EEF2K: variants seen among roughly 807,000 people sequenced by gnomAD.
The protein encoded by EEF2K is alternative protein EEF2K.
Under a neutral mutation model 93.8 loss-of-function variants are expected in EEF2K, and 70 were observed. That is an observed-to-expected ratio of 0.75 (90% CI 0.62 to 0.91). The LOEUF (loss-of-function observed/expected upper bound fraction) is 0.91, where lower values mean the gene tolerates loss of function less well. EEF2K is among the 40% of genes least tolerant of loss of function. The pLI is 0.00. For missense variants in EEF2K, 935 were observed against 972.9 expected (o/e 0.96, Z 0.52); for synonymous variants, 376 against 380.8 (o/e 0.99, Z 0.15).
intron 1 of EEF2K, among the ~76,000 whole-genome samples, chr16:22,222,460 C>T (rs895721405): frequency 5.3e-5 from 8 of 151,962 alleles, no homozygotes; most frequent in South Asian, 2.1e-4. Context: ...CCTCCCACCT[C>T]GGCCTCCCAA....
At chr16:22,260,576 G>T (rs560851798) in intron 11 of EEF2K, 47 bp downstream of exon 11, 3 of 1,611,648 alleles carry the variant, frequency 1.9e-6, no homozygotes, top group East Asian at 4.5e-5. Context: ...CCCAGCAGGG[G>T]TAGGAGTGGA....
At chr16:22,264,659 T>C (rs1484695765) in intron 12 of EEF2K, among the ~76,000 whole-genome samples, 159 bp from the exon 13 acceptor site, 1 of 151,798 alleles carries the variant, frequency 6.6e-6, no homozygotes, top group African/African-American at 2.4e-5. Context: ...CAGAGAAGGG[T>C]TCCAGTGTCA....
At chr16:22,226,322 GTTCT>G (rs2047062734) in intron 2 of EEF2K, among the ~76,000 whole-genome samples, 1 of 93,618 alleles carries the variant, frequency 1.1e-5, no homozygotes, top group African/African-American at 4.7e-5. Context: ...CAGAGGTGCT[GTTCT>G]TTTTTTTTTT....
chr16:22,241,190 T>A lies in EEF2K; in HGVS notation c.247-3440T>A, dbSNP rs117591390. ...TGGATTAGGGAGGACTTCCGCTTTCTAATTCAGAGTTCTATAGTGCTTGCA... is the reference window on the plus strand; with the variant it reads ...TGGATTAGGGAGGACTTCCGCTTTCAAATTCAGAGTTCTATAGTGCTTGCA... On this transcript the variant is annotated intron_variant, in intron 2 of 17. Coordinates refer to ENST00000263026, the MANE Select transcript of EEF2K (RefSeq NM_013302.5). 5.7e-3 allele frequency among the ~76,000 whole-genome samples: 867 copies of A among 152,294 alleles called. 4 individuals are homozygous for A. Among genetic ancestry groups the A allele is most frequent in the Non-Finnish European group, 9.7e-3 (662 of 68,028 alleles).
At chr16:22,255,212 C>G (rs954225264) in intron 6 of EEF2K, among the ~76,000 whole-genome samples, 3 of 152,174 alleles carry the variant, frequency 2.0e-5, no homozygotes, top group African/African-American at 7.2e-5. Context: ...CCCAAATTCA[C>G]AGTTTTACTG....
chr16:22,264,997 A>G (rs2047503557), intron 13 of EEF2K, 117 bp downstream of exon 13: 1 of 1,273,972 alleles, frequency 7.8e-7, no homozygotes, highest in African/African-American at 1.5e-5. Context: ...ACATGTGCTA[A>G]AGGAAGATTT....
intron 8 of EEF2K, 74 bp downstream of exon 8, chr16:22,257,459 C>T (rs1392854556): frequency 8.8e-6 from 14 of 1,581,956 alleles, no homozygotes; most frequent in African/African-American, 1.4e-5. Context: ...TTCGTACAGC[C>T]AAGGAAACAG....
chr16:22,262,611 C>T (rs1157450836), intron 11 of EEF2K, among the ~76,000 whole-genome samples: 1 of 152,158 alleles, frequency 6.6e-6, no homozygotes, highest in African/African-American at 2.4e-5. Context: ...CCTTAACCAG[C>T]CTTTGTTTTT....
At chr16:22,214,221 C>T (rs961216628) in intron 1 of EEF2K, among the ~76,000 whole-genome samples, 4 of 152,128 alleles carry the variant, frequency 2.6e-5, no homozygotes, top group Admixed American at 1.3e-4. Flanking sequence ...TGTTAGCTGA[C>T]CCCTGTTTAC....
At chr16:22,242,136 C>G (rs960087867) in intron 2 of EEF2K, among the ~76,000 whole-genome samples, 3 of 151,998 alleles carry the variant, frequency 2.0e-5, no homozygotes, top group African/African-American at 7.2e-5. Context: ...AGAGAGAGAC[C>G]TTATTCCTAT....
At chr16:22,255,637 T>G (rs1220696287) in intron 6 of EEF2K, among the ~76,000 whole-genome samples, 1 of 152,168 alleles carries the variant, frequency 6.6e-6, no homozygotes, top group Non-Finnish European at 1.5e-5. Context: ...CTGCAGCTTG[T>G]CATCCTAATG....
rs778514679 is a variant in EEF2K at position 22,266,443 on chromosome 16, G to A, written c.1494G>A (p.Arg498=). Reference sequence around the variant, plus strand: ...ACTCCTCCCGCCTCCACCTGCCGAGGGCTTCGGCCGTGGCCCTGGAAGTGC... The same window carrying A: ...ACTCCTCCCGCCTCCACCTGCCGAGAGCTTCGGCCGTGGCCCTGGAAGTGC... The part of the protein sequence containing the change: ...LLNSSRLHLP[R]ASAVALEVQR... Residue 498 remains arginine, a synonymous_variant, in exon 14 of 18, where the codon AGG becomes AGA. Coordinates refer to ENST00000263026, the MANE Select transcript of EEF2K (RefSeq NM_013302.5). 6 of 1,614,158 alleles carry A rather than the reference G, an allele frequency of 3.7e-6. No individual in the cohort carries two copies. In the South Asian group the frequency reaches 6.6e-5, roughly 18 times the overall value.
Position 22,256,713 on chromosome 16 carries a change from G to T in EEF2K, c.619-35G>T, listed in dbSNP as rs180704155. 86 of 1,604,788 alleles carry T rather than the reference G, an allele frequency of 5.4e-5. 1 individual carries two copies. In the East Asian group the frequency reaches 1.9e-3, roughly 36 times the overall value. ...CGCTTCTCAGAGGAGGTGCGCCTGG[G>T]CCCTCCCGCCTGAGCCCACTCCCCA... On this transcript the variant is annotated intron_variant, in intron 6 of 17. Transcript: ENST00000263026.
rs1436830803 is a variant in EEF2K at position 22,280,260 on chromosome 16, A to G, written c.1952A>G (p.Asp651Gly). ...YNTALEMTDC[D>G]EGGEYDGMQD... ...ACTGCCCTGGAGATGACGGACTGTG[A>G]TGAGGGCGGTGAGTACGACGGAATG... Residue 651 changes from aspartate to glycine, a missense_variant, in exon 17 of 18, where the codon GAT (aspartate) becomes GGT (glycine). Coordinates refer to ENST00000263026, the MANE Select transcript of EEF2K (RefSeq NM_013302.5). 6.2e-7 allele frequency: 1 copy of G among 1,605,396 alleles called. No individual in the cohort carries two copies. The highest frequency in any genetic ancestry group is 1.3e-5 in the African/African-American group (1 of 74,536).
At chr16:22,243,922 CAAAAAAAAAAA>C (rs1011054825) in intron 2 of EEF2K, among the ~76,000 whole-genome samples, 7 of 61,996 alleles carry the variant, frequency 1.1e-4, no homozygotes, top group African/African-American at 4.5e-4. Context: ...GACCCTGTCT[CAAAAAAAAAAA>C]AAAAAAAAAA....
intron 2 of EEF2K, 51 bp from the exon 3 acceptor site, chr16:22,244,579 A>G (rs776358573): frequency 1.9e-6 from 3 of 1,592,508 alleles, no homozygotes; most frequent in South Asian, 2.2e-5. Flanking sequence ...GCTGTCCCCA[A>G]AGCCCCTGAC....
intron 15 of EEF2K, among the ~76,000 whole-genome samples, chr16:22,267,421 C>T (rs530154881): frequency 4.6e-5 from 7 of 152,106 alleles, no homozygotes; most frequent in South Asian, 2.1e-4. Flanking sequence ...GGTGAAACCC[C>T]GCCTCTACCA....
At chr16:22,223,555 C>T (rs1042732938) in intron 1 of EEF2K, among the ~76,000 whole-genome samples, 9 of 152,138 alleles carry the variant, frequency 5.9e-5, no homozygotes, top group Non-Finnish European at 8.8e-5. Context: ...GGATCAACTT[C>T]ATTTTTTTGC....
At chr16:22,251,820 A>C (rs2047355103) in intron 6 of EEF2K, among the ~76,000 whole-genome samples, 1 of 151,414 alleles carries the variant, frequency 6.6e-6, no homozygotes, top group Non-Finnish European at 1.5e-5. Context: ...TTGAGACAGG[A>C]TCTTTCTTGG....
Sources: allele counts gnomAD v4.1 joint callset (sites outside exome capture counted in the v4.1 genomes callset), GRCh38; gene constraint gnomAD v4.1.1; transcripts MANE v1.5; gene names NCBI Gene and HGNC (gene_info 2026-07-23, HGNC 2026-07-21).